KCNIP4: variants seen among roughly 807,000 people sequenced by gnomAD.
The protein encoded by KCNIP4 is Kv channel-interacting protein 4.
Under a neutral mutation model 34.0 loss-of-function variants are expected in KCNIP4, and 12 were observed. The ratio of observed to expected loss-of-function variants is 0.35; its 90% CI spans 0.23 to 0.57. The LOEUF is 0.57. Ranked by LOEUF, KCNIP4 falls within the 20% of genes least tolerant of loss-of-function variation. The pLI is 0.83. For missense variants in KCNIP4, 238 were observed against 311.7 expected (o/e 0.76, Z 1.78); for synonymous variants, 124 against 102.2 (o/e 1.21, Z -1.29).
intron 1 of KCNIP4, among the ~76,000 whole-genome samples, chr4:21,702,439 T>G (rs1426163553): frequency 6.6e-6 from 1 of 152,146 alleles, no homozygotes; most frequent in East Asian, 1.9e-4. Context: ...AAACAAATAT[T>G]CATTCCGTAA....
intron 3 of KCNIP4, among the ~76,000 whole-genome samples, chr4:20,782,571 C>G (rs1056582774): frequency 6.6e-6 from 1 of 152,148 alleles, no homozygotes; most frequent in South Asian, 2.1e-4. Context: ...GAAGCCTTGG[C>G]CCAAGCTCTA....
intron 1 of KCNIP4, among the ~76,000 whole-genome samples, chr4:21,541,737 G>T (rs747053267): frequency 1.2e-4 from 18 of 151,978 alleles, no homozygotes; most frequent in Non-Finnish European, 2.6e-4. Context: ...GACTTCCTGG[G>T]CTCAAGTGAT....
intron 3 of KCNIP4, among the ~76,000 whole-genome samples, chr4:20,837,257 C>G (rs1719153879): frequency 6.6e-6 from 1 of 152,004 alleles, no homozygotes; most frequent in Admixed American, 6.6e-5. Context: ...TTGTATTTTC[C>G]TGAAATTAAA....
chr4:21,309,205 T>C (rs550359304), intron 1 of KCNIP4, among the ~76,000 whole-genome samples: 3 of 152,280 alleles, frequency 2.0e-5, no homozygotes, highest in Admixed American at 1.3e-4. Context: ...CTGGGAAGGC[T>C]TTAAAGAGAA....
intron 1 of KCNIP4, among the ~76,000 whole-genome samples, chr4:21,783,400 A>C (rs755570590): frequency 2.1e-4 from 32 of 152,214 alleles, no homozygotes; most frequent in Admixed American, 1.2e-3. Context: ...TCAAAAAAAA[A>C]GTTTTCAACA....
intron 3 of KCNIP4, among the ~76,000 whole-genome samples, chr4:20,826,701 C>T (rs1490170591): frequency 2.0e-5 from 3 of 152,022 alleles, no homozygotes; most frequent in Non-Finnish European, 4.4e-5. Flanking sequence ...TTAACTTTGA[C>T]CCAGAAGAAA....
chr4:21,594,013 C>T (rs969596023), intron 1 of KCNIP4, among the ~76,000 whole-genome samples: 5 of 151,972 alleles, frequency 3.3e-5, no homozygotes, highest in African/African-American at 1.2e-4. Flanking sequence ...TACCTTGGGG[C>T]CTGCATGTAT....
At chr4:21,420,400 T>G (rs566532696) in intron 1 of KCNIP4, among the ~76,000 whole-genome samples, 1 of 152,336 alleles carries the variant, frequency 6.6e-6, no homozygotes, top group Non-Finnish European at 1.5e-5. Flanking sequence ...CCTGTTTTGT[T>G]CTGTCCCCTG....
At chr4:20,860,581 T>C (rs932449441) in intron 2 of KCNIP4, among the ~76,000 whole-genome samples, 2 of 152,246 alleles carry the variant, frequency 1.3e-5, no homozygotes, top group Admixed American at 6.5e-5. Flanking sequence ...GCTTGACTTA[T>C]ATTGCTTTAT....
At chr4:21,565,996 GATAAGCAGGGAAGC>G (rs573470559) in intron 1 of KCNIP4, among the ~76,000 whole-genome samples, 108 of 152,200 alleles carry the variant, frequency 7.1e-4, no homozygotes, top group African/African-American at 2.5e-3. Flanking sequence ...AATAGTATCT[GATAAGCAGGGAAGC>G]ATGAGCAAGC....
chr4:21,635,098 G>GT (rs1263530609), intron 1 of KCNIP4, among the ~76,000 whole-genome samples: 22 of 152,186 alleles, frequency 1.4e-4, no homozygotes, highest in African/African-American at 5.3e-4. Context: ...CAAATATAAA[G>GT]TTATTTTAAA....
chr4:21,029,618 C>T (rs903341277), intron 1 of KCNIP4, among the ~76,000 whole-genome samples: 4 of 152,188 alleles, frequency 2.6e-5, no homozygotes, highest in East Asian at 1.9e-4. Context: ...CTATCACCAA[C>T]GACACCATTG....
intron 1 of KCNIP4, among the ~76,000 whole-genome samples, chr4:21,336,087 G>A (rs977504254): frequency 3.9e-5 from 6 of 151,972 alleles, no homozygotes; most frequent in African/African-American, 1.5e-4. Flanking sequence ...TATCAAAATG[G>A]TATCAAACTA....
intron 3 of KCNIP4, among the ~76,000 whole-genome samples, chr4:20,818,754 G>A (rs1716740221): frequency 6.6e-6 from 1 of 151,932 alleles, no homozygotes; most frequent in African/African-American, 2.4e-5. Context: ...AAAGATTGTA[G>A]GCCTTATTCA....
At chr4:21,721,699 G>C (rs1237244948) in intron 1 of KCNIP4, among the ~76,000 whole-genome samples, 3 of 152,140 alleles carry the variant, frequency 2.0e-5, no homozygotes, top group African/African-American at 7.2e-5. Context: ...CATAATTGCA[G>C]TGTTGAGCTC....
intron 1 of KCNIP4, among the ~76,000 whole-genome samples, chr4:21,194,805 GA>G (rs1755940137): frequency 6.6e-6 from 1 of 152,138 alleles, no homozygotes; most frequent in African/African-American, 2.4e-5. Context: ...ATGACACAGC[GA>G]ACCCTGCTGC....
intron 1 of KCNIP4, among the ~76,000 whole-genome samples, chr4:21,809,966 T>C (rs537920739): frequency 2.6e-5 from 4 of 152,298 alleles, no homozygotes; most frequent in African/African-American, 9.6e-5. Flanking sequence ...TTGCCTCCTA[T>C]GCTTAGAATG....
At chr4:20,940,440 C>A (rs1731525122) in intron 1 of KCNIP4, among the ~76,000 whole-genome samples, 1 of 152,116 alleles carries the variant, frequency 6.6e-6, no homozygotes, top group Non-Finnish European at 1.5e-5. Context: ...CTTAAATTGA[C>A]AACTTAGGAA....
intron 1 of KCNIP4, among the ~76,000 whole-genome samples, chr4:21,802,627 T>C (rs956141596): frequency 6.6e-6 from 1 of 152,186 alleles, no homozygotes; most frequent in Non-Finnish European, 1.5e-5. Flanking sequence ...CAACAATTAC[T>C]CATTGTTGTT....
Sources: gnomAD v4.1 joint callset for allele counts (sites outside exome capture counted in the v4.1 genomes callset) on GRCh38, gnomAD v4.1.1 for gene constraint, MANE v1.5 for transcripts, NCBI Gene and HGNC (gene_info 2026-07-23, HGNC 2026-07-21) for gene names.